Variants in FNIP1 observed in about 807,000 individuals in gnomAD.
FNIP1 encodes folliculin interacting protein 1.
In FNIP1, 40 loss-of-function variants were observed where a neutral mutation model predicts 124.5. The observed-to-expected ratio is 0.32, with a 90% CI of 0.25 to 0.42. FNIP1 has a LOEUF of 0.42. Ranked by LOEUF, FNIP1 falls within the 10% of genes least tolerant of loss-of-function variation. The pLI is 1.00. For synonymous variants in FNIP1, 472 were observed against 470.6 expected (o/e 1.00, Z -0.04); for missense variants, 1,176 against 1,403.7 (o/e 0.84, Z 2.59).
intron 1 of FNIP1, among the ~76,000 whole-genome samples, chr5:131,784,105 C>T (rs755188443): frequency 2.6e-5 from 4 of 152,100 alleles, no homozygotes; most frequent in Admixed American, 1.3e-4. Flanking sequence ...ACCTACAGGG[C>T]CAGCAGTCCA....
At chr5:131,651,719 C>G in intron 16 of FNIP1, 83 bp downstream of exon 16, 1 of 1,343,928 alleles carries the variant, frequency 7.4e-7, no homozygotes, top group South Asian at 1.4e-5. Flanking sequence ...CATTCAGTCC[C>G]TAACAGCTTT....
rs149649133 is a variant in FNIP1, at chr5:131,669,273, G to A, written c.3108+1190C>T. On this transcript the variant is annotated intron_variant, in intron 15 of 17. Coordinates refer to ENST00000510461, the MANE Select transcript of FNIP1 (RefSeq NM_133372.3). ...GTTTCACTAGTGAGTTCTACCAAAC[G>A]TTTAGAGAAAAAAAGTAGTACTAAT... Among the ~76,000 whole-genome samples the A allele has an allele frequency of 3.2e-3, 482 of 152,066 alleles. 3 individuals are homozygous for A. The highest frequency in any genetic ancestry group is 0.011 in the African/African-American group (460 of 41,490).
intron 1 of FNIP1, among the ~76,000 whole-genome samples, chr5:131,783,907 A>C (rs1281200533): frequency 6.6e-6 from 1 of 152,016 alleles, no homozygotes; most frequent in African/African-American, 2.4e-5. Context: ...CCACCCTTTC[A>C]TTCTCAGGAA....
chr5:131,672,601 G>C lies in FNIP1; in HGVS notation c.1843C>G (p.His615Asp), dbSNP rs1304864281. 6.2e-7 allele frequency: 1 copy of C among 1,614,104 alleles called. No homozygotes were observed. Among genetic ancestry groups the C allele is most frequent in the South Asian group, 1.1e-5 (1 of 91,060 alleles). The change falls in exon 14 of 18, where the codon CAT becomes GAT. Residue 615 changes from histidine (H) to aspartate (D), a missense_variant. Physicochemically the swap from His to Asp is moderately conservative, Grantham distance 81. Around this residue, in one of 2 missense-constraint regions of FNIP1, gnomAD observed 1,109 missense variants for 1,288.5 expected, o/e 0.86. Coordinates refer to ENST00000510461, the MANE Select transcript of FNIP1 (RefSeq NM_133372.3). ...TPNCNCKYCS[H>D]PLLGQNVENI... ...TCTACATTTTGCCCAAGGAGTGGAT[G>C]ACTGCAATATTTACAGTTACAATTG...
intron 6 of FNIP1, among the ~76,000 whole-genome samples, chr5:131,714,419 C>T (rs914357539): frequency 6.6e-6 from 1 of 152,064 alleles, no homozygotes; most frequent in Non-Finnish European, 1.5e-5. Flanking sequence ...TTTGGCAAAC[C>T]GTTAAAAAAA....
intron 1 of FNIP1, among the ~76,000 whole-genome samples, chr5:131,788,152 T>A (rs1181188613): frequency 1.3e-5 from 2 of 152,132 alleles, no homozygotes; most frequent in African/African-American, 4.8e-5. Flanking sequence ...ACTTAACAAA[T>A]GAGCAAATAT....
In FNIP1 at chr5:131,672,642, T is replaced by C. The variant is rs1193557007; in HGVS notation, c.1802A>G (p.Glu601Gly). ...GTTACAATTGGGAGTTCTAATTTCT[T>C]CTGACTCTTTAAAGAGCAAACTGCT... is the stretch of plus-strand genomic sequence containing the variant. ...NKSSLLFKESEEIRTPNCNCK... is the reference protein window; with the variant it reads ...NKSSLLFKESGEIRTPNCNCK... The change falls in exon 14 of 18, where the codon GAA (glutamate) becomes GGA (glycine). Residue 601 changes from glutamate (E) to glycine (G), a missense_variant. By Grantham distance (98) the Glu-to-Gly change is moderately conservative. Around this residue, in one of 2 missense-constraint regions of FNIP1, gnomAD observed 1,109 missense variants for 1,288.5 expected, o/e 0.86. Transcript: ENST00000510461. The C allele has an allele frequency of 6.2e-7, 1 of 1,614,222 alleles. No individual in the cohort carries two copies. The highest frequency in any genetic ancestry group is 1.7e-5 in the Admixed American group (1 of 60,020).
At chr5:131,686,158 G>A (rs532339858) in intron 11 of FNIP1, among the ~76,000 whole-genome samples, 31 of 152,196 alleles carry the variant, frequency 2.0e-4, no homozygotes, top group Non-Finnish European at 2.4e-4. Flanking sequence ...AGACACCTTC[G>A]TTTGCATATA....
intron 2 of FNIP1, among the ~76,000 whole-genome samples, chr5:131,743,652 T>A (rs1770582348): frequency 6.6e-6 from 1 of 152,064 alleles, no homozygotes; most frequent in South Asian, 2.1e-4. Flanking sequence ...AGGAGGTGAT[T>A]AGGTCATAAG....
At chr5:131,658,128 G>A (rs1178695400) in intron 15 of FNIP1, among the ~76,000 whole-genome samples, 3 of 151,730 alleles carry the variant, frequency 2.0e-5, no homozygotes, top group South Asian at 2.1e-4. Flanking sequence ...AAGACAACTC[G>A]ATAGAGACGA....
At chr5:131,695,388 C>T (rs2149527821) in intron 11 of FNIP1, among the ~76,000 whole-genome samples, 1 of 152,212 alleles carries the variant, frequency 6.6e-6, no homozygotes, top group South Asian at 2.1e-4. Flanking sequence ...AAGAGATAGG[C>T]ATGTCTTAGA....
intron 1 of FNIP1, among the ~76,000 whole-genome samples, chr5:131,766,337 T>A (rs1771423938): frequency 6.6e-6 from 1 of 152,120 alleles, no homozygotes; most frequent in Admixed American, 6.5e-5. Context: ...CCACTGCAGC[T>A]GGCCTGTAGT....
intron 1 of FNIP1, among the ~76,000 whole-genome samples, chr5:131,750,108 T>A (rs7731204): frequency 2.6e-3 from 399 of 152,290 alleles, no homozygotes; most frequent in African/African-American, 8.9e-3. Context: ...TAGGACCTCA[T>A]GTGCTTGAAT....
intron 2 of FNIP1, among the ~76,000 whole-genome samples, chr5:131,738,534 C>T (rs896105729): frequency 1.3e-5 from 2 of 152,148 alleles, no homozygotes; most frequent in South Asian, 2.1e-4. Flanking sequence ...CACTCTGTTG[C>T]CCAGGCTGGA....
At position 131,651,976 on chromosome 5, in the gene FNIP1, T is replaced by C; in HGVS notation, c.3132A>G (p.Ile1044Met). The C allele has an allele frequency of 1.9e-6, 3 of 1,613,696 alleles. No homozygotes were observed. The highest frequency in any genetic ancestry group is 1.1e-5 in the South Asian group (1 of 90,988). The change falls in exon 16 of 18, where the codon ATA (isoleucine) becomes ATG (methionine). Residue 1044 changes from isoleucine to methionine, a missense_variant. By Grantham distance (10) the Ile-to-Met change is conservative (BLOSUM62 1). Transcript: ENST00000510461. ...AVQHPVLDEP[I>M]AEAVCIIADM... The stretch of plus-strand genomic sequence containing the variant: ...CAGCTATAATACAGACAGCTTCTGC[T>C]ATTGGTTCATCCAAAACTGGATGCT...
At chr5:131,766,773 T>A (rs1771439112) in intron 1 of FNIP1, among the ~76,000 whole-genome samples, 1 of 152,188 alleles carries the variant, frequency 6.6e-6, no homozygotes, top group Non-Finnish European at 1.5e-5. Flanking sequence ...GCCACTGGTA[T>A]AGGTCTTTGA....
At chr5:131,765,035 C>A (rs1580820544) in intron 1 of FNIP1, among the ~76,000 whole-genome samples, 1 of 152,122 alleles carries the variant, frequency 6.6e-6, no homozygotes. Flanking sequence ...CCAGCCTGGG[C>A]AACATAGTGA....
intron 1 of FNIP1, among the ~76,000 whole-genome samples, chr5:131,770,168 C>T (rs972387575): frequency 6.6e-6 from 1 of 152,198 alleles, no homozygotes; most frequent in Non-Finnish European, 1.5e-5. Flanking sequence ...TTGTATTCTA[C>T]CCAGCTGACA....
intron 6 of FNIP1, 63 bp from the exon 7 acceptor site, chr5:131,710,724 G>C (rs1276422015): frequency 6.9e-7 from 1 of 1,442,014 alleles, no homozygotes; most frequent in Non-Finnish European, 9.5e-7. Context: ...CAATGCGTCA[G>C]GGAAAAAAGG....
Sources: gnomAD v4.1 joint callset for allele counts (sites outside exome capture counted in the v4.1 genomes callset) on GRCh38, gnomAD v4.1.1 for gene constraint, gnomAD v4.1.1 regional missense constraint, MANE v1.5 for transcripts, NCBI Gene and HGNC (gene_info 2026-07-23, HGNC 2026-07-21) for gene names.